TSHZ2: variants seen among roughly 807,000 people sequenced by gnomAD.
TSHZ2 encodes the protein teashirt homolog 2.
Under a neutral mutation model 74.4 loss-of-function variants are expected in TSHZ2, and 21 were observed. That is an observed-to-expected ratio of 0.28 (90% CI 0.20 to 0.41). The LOEUF is 0.41. Ranked by LOEUF, TSHZ2 falls within the 10% of genes least tolerant of loss-of-function variation. The pLI is 1.00. For synonymous variants in TSHZ2, 540 were observed against 515.3 expected (o/e 1.05, Z -0.65); for missense variants, 1,244 against 1,293.5 (o/e 0.96, Z 0.59).
At chr20:53,002,907 A>G (rs1037239796) in intron 1 of TSHZ2, among the ~76,000 whole-genome samples, 1 of 152,164 alleles carries the variant, frequency 6.6e-6, no homozygotes, top group African/African-American at 2.4e-5. Context: ...TTGCATTCCC[A>G]GGGCCTATTG....
chr20:53,057,038 A>G (rs530545261), intron 1 of TSHZ2, among the ~76,000 whole-genome samples: 1 of 152,194 alleles, frequency 6.6e-6, no homozygotes, highest in South Asian at 2.1e-4. Flanking sequence ...TACTGTTCTC[A>G]TGATAGTGAA....
intron 2 of TSHZ2, among the ~76,000 whole-genome samples, chr20:53,362,106 C>T (rs573230123): frequency 4.4e-4 from 67 of 152,152 alleles, no homozygotes; most frequent in Non-Finnish European, 7.7e-4. Context: ...TCAGGTGATC[C>T]ACCACCCGCC....
Position 53,074,407 on chromosome 20 carries a change from C to T in TSHZ2, c.40+101074C>T, listed in dbSNP as rs181097740. Among the ~76,000 whole-genome samples the T allele has an allele frequency of 6.6e-6, 1 of 152,246 alleles. No individual in the cohort carries two copies. Among genetic ancestry groups the T allele is most frequent in the East Asian group, 1.9e-4 (1 of 5,188 alleles). ...GTTCTTACAGTGCCTCAATTGCTCA[C>T]CAGGAAGTGGGCTGGCCAGAATACA... On this transcript the variant is annotated intron_variant, in intron 1 of 2. Coordinates refer to ENST00000371497, the MANE Select transcript of TSHZ2 (RefSeq NM_173485.6). This position sits in a 1 kb window ranked among gnomAD's most constrained non-coding sequence, Gnocchi z 5.9.
intron 1 of TSHZ2, among the ~76,000 whole-genome samples, chr20:53,241,223 A>G (rs913269515): frequency 2.6e-5 from 4 of 152,192 alleles, no homozygotes; most frequent in African/African-American, 4.8e-5. Flanking sequence ...ATTCAAAAAT[A>G]TCGAAGACCT....
At chr20:53,125,916 T>C (rs922295659) in intron 1 of TSHZ2, among the ~76,000 whole-genome samples, 5 of 152,260 alleles carry the variant, frequency 3.3e-5, no homozygotes, top group African/African-American at 1.2e-4. Flanking sequence ...ATGATTTGTA[T>C]TGGTGCTAAA....
chr20:53,067,229 C>T (rs923606428), intron 1 of TSHZ2, among the ~76,000 whole-genome samples: 1 of 152,114 alleles, frequency 6.6e-6, no homozygotes, highest in Non-Finnish European at 1.5e-5. Context: ...AGTGATCCTC[C>T]CCCTTGCCCC....
intron 2 of TSHZ2, among the ~76,000 whole-genome samples, chr20:53,339,728 G>C (rs887477381): frequency 6.6e-6 from 1 of 152,170 alleles, no homozygotes. Flanking sequence ...CTCAGCCACT[G>C]TGCTGCCAAT....
intron 2 of TSHZ2, among the ~76,000 whole-genome samples, chr20:53,444,562 C>T (rs376542856): frequency 1.3e-5 from 2 of 152,188 alleles, no homozygotes; most frequent in African/African-American, 2.4e-5. Flanking sequence ...GAGTTAATCA[C>T]GAGAGCCCTG....
chr20:53,391,444 C>CG (rs1568897220), intron 2 of TSHZ2, among the ~76,000 whole-genome samples: 1 of 113,708 alleles, frequency 8.8e-6, no homozygotes, highest in Non-Finnish European at 2.3e-5. Context: ...AGCACCAGGC[C>CG]GTTTTTTTTG....
intron 2 of TSHZ2, among the ~76,000 whole-genome samples, chr20:53,301,778 GT>G (rs2145482124): frequency 1.3e-5 from 2 of 152,248 alleles, no homozygotes; most frequent in South Asian, 4.1e-4. Flanking sequence ...CAACTTTCAG[GT>G]TTTTAAAAAA....
At chr20:53,085,360 A>C (rs1011191343) in intron 1 of TSHZ2, among the ~76,000 whole-genome samples, 3 of 152,018 alleles carry the variant, frequency 2.0e-5, no homozygotes, top group African/African-American at 7.3e-5. Flanking sequence ...ATGAAACTCC[A>C]TCTCAAAAAG....
At chr20:53,388,804 A>G (rs1470605134) in intron 2 of TSHZ2, among the ~76,000 whole-genome samples, 5 of 151,810 alleles carry the variant, frequency 3.3e-5, no homozygotes, top group Non-Finnish European at 5.9e-5. Context: ...GCTGGTCTCA[A>G]ACTCCTGACC....
rs757282454 is a variant in TSHZ2 at position 53,255,710 on chromosome 20, G to T, written c.2252G>T (p.Ser751Ile). 6.2e-7 allele frequency: 1 copy of T among 1,605,540 alleles called. No homozygotes were observed. Among genetic ancestry groups the T allele is most frequent in the East Asian group, 2.2e-5 (1 of 44,768 alleles). ...AGTCCTGCCTCCACAAGGTCAGCCA[G>T]CGTGTCCAGGCGCTACCTGTTTGAG... is the stretch of plus-strand genomic sequence containing the variant. ...VLSPASTRSA[S>I]VSRRYLFENS... Residue 751 changes from serine to isoleucine, a missense_variant, in exon 2 of 3, where the codon AGC becomes ATC. Physicochemically the swap from Ser to Ile is moderately radical, Grantham distance 142. Around this residue, in one of 6 missense-constraint regions of TSHZ2, gnomAD observed 562 missense variants for 544.0 expected, o/e 1.03. Transcript: ENST00000371497. The surrounding 1 kb of genome is among the most constrained non-coding windows in gnomAD (Gnocchi z 4.1).
intron 1 of TSHZ2, among the ~76,000 whole-genome samples, chr20:53,026,623 C>T (rs1983455276): frequency 6.6e-6 from 1 of 152,152 alleles, no homozygotes; most frequent in South Asian, 2.1e-4. Flanking sequence ...GCTTAGTAAA[C>T]CCATGCAAAT....
At chr20:53,221,458 G>A (rs1989555617) in intron 1 of TSHZ2, among the ~76,000 whole-genome samples, 1 of 152,182 alleles carries the variant, frequency 6.6e-6, no homozygotes. Flanking sequence ...AGCAGGGAAT[G>A]TCCTTATCTT....
intron 1 of TSHZ2, among the ~76,000 whole-genome samples, chr20:53,193,197 A>G (rs77966690): frequency 1.3e-5 from 2 of 152,022 alleles, no homozygotes; most frequent in African/African-American, 4.8e-5. Flanking sequence ...AGAAAAAAAA[A>G]ACACCACCTC....
intron 1 of TSHZ2, among the ~76,000 whole-genome samples, chr20:53,162,636 T>C (rs902555041): frequency 2.6e-5 from 4 of 152,294 alleles, no homozygotes; most frequent in East Asian, 1.9e-4. Context: ...TTCCTTGTCC[T>C]TGTAGATGTT....
intron 1 of TSHZ2, among the ~76,000 whole-genome samples, chr20:53,012,206 A>G (rs191258645): frequency 6.6e-6 from 1 of 152,242 alleles, no homozygotes; most frequent in East Asian, 1.9e-4. Flanking sequence ...CATCCTAATT[A>G]CCAGCGAGGT....
chr20:53,394,145 A>G (rs1169321042), intron 2 of TSHZ2, among the ~76,000 whole-genome samples: 3 of 152,220 alleles, frequency 2.0e-5, no homozygotes, highest in African/African-American at 4.8e-5. Flanking sequence ...TATTCCCTCA[A>G]TAAGGAATGT....
Sources: allele counts gnomAD v4.1 joint callset (sites outside exome capture counted in the v4.1 genomes callset), GRCh38; gene constraint gnomAD v4.1.1; regional missense constraint gnomAD v4.1.1; non-coding constraint Gnocchi (gnomAD v3.1); transcripts MANE v1.5; gene names NCBI Gene and HGNC (gene_info 2026-07-23, HGNC 2026-07-21).